The following EPHA3 variants were observed in gnomAD, a reference collection of about 807,000 sequenced individuals.
The protein encoded by EPHA3 is EPH receptor A3, also known as ephrin type-A receptor 3.
EPHA3 carries 42 observed loss-of-function variants against 107.1 expected under a neutral mutation model. The observed-to-expected ratio is 0.39, with a 90% CI of 0.31 to 0.51. EPHA3 has a LOEUF of 0.51. Among genes scored for constraint, EPHA3 ranks in the 20% least tolerant of loss-of-function variants. EPHA3 has a pLI of 0.78. For missense variants in EPHA3, 1,183 were observed against 1,211.2 expected, an observed-to-expected ratio of 0.98 and a Z score of 0.35; for synonymous variants, 461 against 424.8, an observed-to-expected ratio of 1.09 and a Z score of -1.05.
At chr3:89,202,341 AAAAT>A (rs1374609713) in intron 2 of EPHA3, among the ~76,000 whole-genome samples, 1 of 151,616 alleles carries the variant, frequency 6.6e-6, no homozygotes, top group Admixed American at 6.6e-5. Flanking sequence ...CTGAAAATAA[AAAAT>A]AAATAAATAA....
At chr3:89,325,339 G>C (rs867689956) in intron 3 of EPHA3, among the ~76,000 whole-genome samples, 1 of 152,006 alleles carries the variant, frequency 6.6e-6, no homozygotes, top group Non-Finnish European at 1.5e-5. Flanking sequence ...TATTTCAGTA[G>C]TTTCCCATCT....
At chr3:89,229,274 A>G (rs1704571257) in intron 3 of EPHA3, among the ~76,000 whole-genome samples, 1 of 151,988 alleles carries the variant, frequency 6.6e-6, no homozygotes, top group African/African-American at 2.4e-5. Flanking sequence ...AAATCACTTT[A>G]GTGATAAATT....
chr3:89,150,209 T>C (rs1704659303), intron 2 of EPHA3, among the ~76,000 whole-genome samples: 1 of 151,988 alleles, frequency 6.6e-6, no homozygotes, highest in African/African-American at 2.4e-5. Flanking sequence ...CCACAGACAT[T>C]GCAGATATGA....
intron 3 of EPHA3, among the ~76,000 whole-genome samples, chr3:89,297,488 A>G (rs1706383105): frequency 6.6e-6 from 1 of 152,200 alleles, no homozygotes; most frequent in Non-Finnish European, 1.5e-5. Context: ...TTTTATGGGC[A>G]TGGTTCATGC....
intron 5 of EPHA3, among the ~76,000 whole-genome samples, chr3:89,356,200 A>C (rs1378559511): frequency 2.0e-5 from 3 of 150,834 alleles, no homozygotes; most frequent in African/African-American, 7.3e-5. Context: ...TCCATGGTGT[A>C]TATGTGCCAC....
intron 2 of EPHA3, among the ~76,000 whole-genome samples, chr3:89,176,720 T>A (rs1705327628): frequency 6.6e-6 from 1 of 152,096 alleles, no homozygotes; most frequent in Admixed American, 6.6e-5. Flanking sequence ...TGTATTTAAC[T>A]ATAAGTTTAT....
chr3:89,406,191 A>C (rs1709051558), intron 7 of EPHA3, among the ~76,000 whole-genome samples: 1 of 152,148 alleles, frequency 6.6e-6, no homozygotes, highest in African/African-American at 2.4e-5. Context: ...GGAGAGGAGA[A>C]GGTTATTTTA....
At chr3:89,391,425 T>C (rs987264087) in intron 5 of EPHA3, among the ~76,000 whole-genome samples, 1 of 134,908 alleles carries the variant, frequency 7.4e-6, no homozygotes, top group Non-Finnish European at 1.6e-5. Flanking sequence ...TCTTTTCTTT[T>C]TTTTTTTTTT....
intron 13 of EPHA3, among the ~76,000 whole-genome samples, chr3:89,443,786 A>G (rs527686585): frequency 2.6e-5 from 4 of 152,174 alleles, no homozygotes; most frequent in Non-Finnish European, 5.9e-5. Flanking sequence ...ATTAGGCAGG[A>G]TAATAAAGCA....
chr3:89,122,031 T>C (rs1707402585), intron 1 of EPHA3, among the ~76,000 whole-genome samples: 4 of 152,238 alleles, frequency 2.6e-5, no homozygotes, highest in Admixed American at 1.3e-4. Context: ...ACACAGAGAA[T>C]GATAACACTG....
chr3:89,258,317 T>C (rs933353267), intron 3 of EPHA3, among the ~76,000 whole-genome samples: 1 of 152,170 alleles, frequency 6.6e-6, no homozygotes, highest in African/African-American at 2.4e-5. Context: ...CTTGACTGGA[T>C]TTTTGATTTA....
At chr3:89,285,891 A>C (rs1456312911) in intron 3 of EPHA3, among the ~76,000 whole-genome samples, 1 of 152,088 alleles carries the variant, frequency 6.6e-6, no homozygotes, top group Non-Finnish European at 1.5e-5. Flanking sequence ...AGTGTGGGGA[A>C]TTAAGGAATT....
intron 5 of EPHA3, among the ~76,000 whole-genome samples, chr3:89,390,339 C>T (rs1211313013): frequency 1.3e-5 from 2 of 152,098 alleles, no homozygotes; most frequent in East Asian, 3.9e-4. Context: ...TGGCTCATGC[C>T]TGTAATGCTA....
In EPHA3 at chr3:89,160,154, C is replaced by A. The variant is rs75472084; in HGVS notation, c.153+32881C>A. Among the ~76,000 whole-genome samples the A allele has an allele frequency of 8.6e-3, 1,305 of 152,064 alleles. 9 individuals are homozygous for A. Among genetic ancestry groups the A allele is most frequent in the East Asian group, 0.026 (135 of 5,180 alleles). ...GTTAGGAGAAGGAAGTTTGCAAATG[C>A]TGTAAATGAACATAATATATAATAT... is the stretch of plus-strand genomic sequence containing the variant. On this transcript the variant is annotated intron_variant, in intron 2 of 16. Transcript: ENST00000336596.
At position 89,460,784 on chromosome 3, in the gene EPHA3, A is replaced by T. The variant is rs537276618; in HGVS notation, c.2690+10414A>T. Among the ~76,000 whole-genome samples the T allele has an allele frequency of 6.0e-3, 858 of 143,964 alleles. 1 individual carries two copies. The highest frequency in any genetic ancestry group is 0.022 in the African/African-American group (822 of 38,100). 94.4% of individuals were successfully genotyped at this position (143,964 alleles called of 152,430 possible). A position where few individuals can be genotyped will look rare whatever the true frequency, so the allele number is the denominator to read the frequency against. On this transcript the variant is annotated intron_variant, in intron 15 of 16. Coordinates refer to ENST00000336596, the MANE Select transcript of EPHA3 (RefSeq NM_005233.6). ...TATGATACAGAACCTTTTAGAGGGA[A>T]TCGAATATGCCGAATACCCAAGTGA... is the stretch of plus-strand genomic sequence containing the variant.
At chr3:89,339,437 T>C (rs1329122341) in intron 3 of EPHA3, among the ~76,000 whole-genome samples, 5 of 151,078 alleles carry the variant, frequency 3.3e-5, no homozygotes. Context: ...ATTGACTATA[T>C]GTAATGGATC....
intron 14 of EPHA3, among the ~76,000 whole-genome samples, chr3:89,449,731 T>C (rs1475329027): frequency 6.6e-6 from 1 of 152,140 alleles, no homozygotes; most frequent in East Asian, 1.9e-4. Flanking sequence ...TTACTTAATT[T>C]TACAGCACTT....
chr3:89,210,015 A>G lies in EPHA3; in HGVS notation c.309A>G (p.Leu103=), dbSNP rs531108257. ...TTTATGTGGAGCTCAAGTTCACTCT[A>G]CGAGACTGCAATAGCATTCCATTGG... ...QKIYVELKFT[L]RDCNSIPLVL... Residue 103 remains leucine, a synonymous_variant, in exon 3 of 17, where the codon CTA becomes CTG. Coordinates refer to ENST00000336596, the MANE Select transcript of EPHA3 (RefSeq NM_005233.6). 59 of 1,613,902 alleles carry G rather than the reference A, an allele frequency of 3.7e-5. No homozygotes were observed. The highest frequency in any genetic ancestry group is 4.9e-5 in the Non-Finnish European group (58 of 1,179,946).
chr3:89,245,959 GA>G (rs1351896782), intron 3 of EPHA3, among the ~76,000 whole-genome samples: 1 of 152,148 alleles, frequency 6.6e-6, no homozygotes, highest in Admixed American at 6.6e-5. Context: ...AGAATCTCAA[GA>G]GAATAAATTA....
Sources: gnomAD v4.1 joint callset for allele counts (sites outside exome capture counted in the v4.1 genomes callset) on GRCh38, gnomAD v4.1.1 for gene constraint, MANE v1.5 for transcripts, NCBI Gene and HGNC (gene_info 2026-07-23, HGNC 2026-07-21) for gene names.